Variants in HTRA1 observed in about 807,000 individuals in gnomAD.
The protein encoded by HTRA1 is serine protease HTRA1.
HTRA1 carries 26 observed loss-of-function variants against 49.7 expected under a neutral mutation model. The ratio of observed to expected loss-of-function variants is 0.52; its 90% CI spans 0.38 to 0.73. The LOEUF is 0.73. Among genes scored for constraint, HTRA1 ranks in the 30% least tolerant of loss-of-function variants. The pLI, the probability that HTRA1 is intolerant of heterozygous loss-of-function variation, is 0.00. For synonymous variants in HTRA1, 291 were observed against 286.9 expected (o/e 1.01, Z -0.14); for missense variants, 561 against 667.2 (o/e 0.84, Z 1.75).
At position 122,506,849 on chromosome 10, in the gene HTRA1, A is replaced by C. The variant is rs766476386; in HGVS notation, c.936A>C (p.Ser312=). ...RGGKELGLRN[S]DMDYIQTDAI... Reference sequence around the variant, plus strand: ...GCAAAGAGCTGGGGCTCCGCAACTCAGACATGGACTACATCCAGACCGACG... The same window carrying C: ...GCAAAGAGCTGGGGCTCCGCAACTCCGACATGGACTACATCCAGACCGACG... The change falls in exon 4 of 9, where the codon TCA becomes TCC. Residue 312 remains serine (S), a synonymous_variant. Coordinates refer to ENST00000368984, the MANE Select transcript of HTRA1 (RefSeq NM_002775.5). This position sits in a 1 kb window ranked among gnomAD's most constrained non-coding sequence, Gnocchi z 5.2. The C allele has an allele frequency of 6.2e-7, 1 of 1,613,874 alleles. No homozygotes were observed. The highest frequency in any genetic ancestry group is 1.3e-5 in the African/African-American group (1 of 75,044).
rs1182238512 is a variant in HTRA1, at chr10:122,494,839, C to T, written c.777+5213C>T. Among the ~76,000 whole-genome samples, 9 of 152,122 alleles carry T rather than the reference C, an allele frequency of 5.9e-5. No homozygotes were observed. The highest frequency in any genetic ancestry group is 2.2e-4 in the African/African-American group (9 of 41,416). ...CATCAAGTTCAGACGGGGGTCACTG[C>T]GGGTGAGGGGCCTGGGGCCTTTTAC... On this transcript the variant is annotated intron_variant, in intron 3 of 8. Transcript: ENST00000368984. The surrounding 1 kb of genome is among the most constrained non-coding windows in gnomAD (Gnocchi z 4.0).
In HTRA1 at chr10:122,461,634, CG is replaced by C; in HGVS notation, c.-18del. On this transcript the variant is annotated 5_prime_UTR_variant, in exon 1 of 9. Coordinates refer to ENST00000368984, the MANE Select transcript of HTRA1 (RefSeq NM_002775.5). ...CCCTCGCCCTGTCCGCCGCCACCGC[CG>C]CCGCCGCCAGAGTCGCCATGCAGAT... The C allele has an allele frequency of 7.7e-7, 1 of 1,297,636 alleles. No homozygotes were observed. Among genetic ancestry groups the C allele is most frequent in the Non-Finnish European group, 1.0e-6 (1 of 1,004,390 alleles). 80.4% of individuals were successfully genotyped at this position (1,297,636 alleles called of 1,614,324 possible).
At chr10:122,480,291 A>G (rs1437127029) in intron 1 of HTRA1, among the ~76,000 whole-genome samples, 1 of 151,886 alleles carries the variant, frequency 6.6e-6, no homozygotes, top group East Asian at 1.9e-4. Context: ...TGGTGTTCCT[A>G]CCCATCCCAG....
intron 1 of HTRA1, among the ~76,000 whole-genome samples, chr10:122,472,011 A>G (rs1419769729): frequency 6.6e-6 from 1 of 152,200 alleles, no homozygotes; most frequent in Non-Finnish European, 1.5e-5. Flanking sequence ...AGTTATAAGC[A>G]CATATAAATG....
chr10:122,489,749 C>A, intron 3 of HTRA1, 123 bp downstream of exon 3: 1 of 896,742 alleles, frequency 1.1e-6, no homozygotes, highest in Non-Finnish European at 1.8e-6. Context: ...CTGAGCCAGT[C>A]ACAGGAGGGC....
At chr10:122,501,961 G>GTTTTTTTTTT (rs541582341) in intron 3 of HTRA1, among the ~76,000 whole-genome samples, 2 of 73,494 alleles carry the variant, frequency 2.7e-5, no homozygotes, top group African/African-American at 1.2e-4. Context: ...TCCATTTGGA[G>GTTTTTTTTTT]TTTTTTTTTT....
At chr10:122,465,551 C>T (rs1033233011) in intron 1 of HTRA1, among the ~76,000 whole-genome samples, 39 of 152,126 alleles carry the variant, frequency 2.6e-4, no homozygotes, top group African/African-American at 8.9e-4. Context: ...GACAGAGCAA[C>T]AGAGATTTTA....
At chr10:122,492,134 A>T (rs1264474517) in intron 3 of HTRA1, among the ~76,000 whole-genome samples, 3 of 151,970 alleles carry the variant, frequency 2.0e-5, no homozygotes, top group Non-Finnish European at 4.4e-5. Flanking sequence ...AATCACCTAC[A>T]CGGCTCCTTG....
Position 122,461,800 on chromosome 10 carries a change from C to G in HTRA1, c.148C>G (p.Pro50Ala), listed in dbSNP as rs1451656631. 57 of 1,061,094 alleles carry G rather than the reference C, an allele frequency of 5.4e-5. No homozygotes were observed. Among genetic ancestry groups the G allele is most frequent in the Middle Eastern group, 4.3e-4 (1 of 2,320 alleles). 65.7% of individuals were successfully genotyped at this position (1,061,094 alleles called of 1,614,324 possible). The part of the protein sequence containing the change: ...RCEPARCPPQ[P>A]EHCEGGRARD... ...CGAGCCGGCGCGCTGCCCGCCGCAG[C>G]CGGAGCACTGCGAGGGCGGCCGGGC... Residue 50 changes from proline (P) to alanine (A), a missense_variant, in exon 1 of 9, where the codon CCG becomes GCG. Pro to Ala is a conservative substitution (Grantham distance 27). This residue lies in a region of HTRA1 where 111 missense variants were observed against 83.7 expected (regional missense o/e 1.33). Transcript: ENST00000368984.
At chr10:122,478,472 A>G (rs1369023755) in intron 1 of HTRA1, among the ~76,000 whole-genome samples, 1 of 143,736 alleles carries the variant, frequency 7.0e-6, no homozygotes, top group East Asian at 2.0e-4. Flanking sequence ...GGCTCACTGC[A>G]AGCTCCACCT....
At chr10:122,512,346 T>C (rs1178525379) in intron 8 of HTRA1, among the ~76,000 whole-genome samples, 2 of 152,202 alleles carry the variant, frequency 1.3e-5, no homozygotes, top group African/African-American at 4.8e-5. Flanking sequence ...GTCTCTGAGA[T>C]GGCCCGGCTG....
At position 122,506,933 on chromosome 10, in the gene HTRA1, A is replaced by G. The variant is rs1276241824; in HGVS notation, c.972+48A>G. On this transcript the variant is annotated intron_variant, in intron 4 of 8. Transcript: ENST00000368984. This position sits in a 1 kb window ranked among gnomAD's most constrained non-coding sequence, Gnocchi z 5.2. Reference sequence around the variant, plus strand: ...GTGGGGATTGGGGCAGAGTTTTGCCAGGGGGAGAGGAGTCAGCATAGGTCT... The same window carrying G: ...GTGGGGATTGGGGCAGAGTTTTGCCGGGGGGAGAGGAGTCAGCATAGGTCT... 1 of 1,537,076 alleles carries G rather than the reference A, an allele frequency of 6.5e-7. No homozygotes were observed.
At chr10:122,482,393 C>A (rs2097491388) in intron 1 of HTRA1, among the ~76,000 whole-genome samples, 1 of 152,138 alleles carries the variant, frequency 6.6e-6, no homozygotes, top group South Asian at 2.1e-4. Context: ...TATGATCAAT[C>A]TAGAGCTAGT....
At chr10:122,498,531 T>TGAACCCTGAACGGAAGCTGAATG (rs1056140334) in intron 3 of HTRA1, among the ~76,000 whole-genome samples, 2 of 152,150 alleles carry the variant, frequency 1.3e-5, no homozygotes, top group African/African-American at 4.8e-5. Flanking sequence ...TTGTCCGTTC[T>TGAACCCTGAACGGAAGCTGAATG]GAACCCTGAA....
intron 1 of HTRA1, among the ~76,000 whole-genome samples, chr10:122,466,050 G>A (rs1016982268): frequency 6.6e-6 from 1 of 152,150 alleles, no homozygotes; most frequent in Admixed American, 6.5e-5. Context: ...TTTTAGGATC[G>A]CCTGCTCCTG....
At chr10:122,466,049 C>T (rs920537199) in intron 1 of HTRA1, among the ~76,000 whole-genome samples, 3 of 152,168 alleles carry the variant, frequency 2.0e-5, no homozygotes, top group South Asian at 2.1e-4. Context: ...TTTTTAGGAT[C>T]GCCTGCTCCT....
chr10:122,474,903 A>C (rs925809844), intron 1 of HTRA1, among the ~76,000 whole-genome samples: 1 of 152,034 alleles, frequency 6.6e-6, no homozygotes, highest in Non-Finnish European at 1.5e-5. Context: ...TTTCTTTGCC[A>C]GTGAGTCTGA....
At chr10:122,496,633 T>C (rs946348160) in intron 3 of HTRA1, among the ~76,000 whole-genome samples, 1 of 152,116 alleles carries the variant, frequency 6.6e-6, no homozygotes, top group African/African-American at 2.4e-5. Context: ...GGTATCAGGC[T>C]GCAAAGACAG....
rs1364495800 is a variant in HTRA1, at chr10:122,462,077, T to C, written c.425T>C (p.Leu142Pro). ...GCCGCCAGCCGCCGCTCCGAGAGGC[T>C]GCACCGGCCGCCGGTCATCGTCCTG... The part of the protein sequence containing the change: ...LRAASRRSER[L>P]HRPPVIVLQR... The change falls in exon 1 of 9, where the codon CTG becomes CCG. Residue 142 changes from leucine (L) to proline (P), a missense_variant. Leu to Pro is a moderately conservative substitution (Grantham distance 98, BLOSUM62 -3). Around this residue, in one of 3 missense-constraint regions of HTRA1, gnomAD observed 271 missense variants for 410.0 expected, o/e 0.66. Transcript: ENST00000368984. 5 of 1,536,000 alleles carry C rather than the reference T, an allele frequency of 3.3e-6. No homozygotes were observed. Among genetic ancestry groups the C allele is most frequent in the Non-Finnish European group, 4.4e-6 (5 of 1,147,686 alleles).
Sources: gnomAD v4.1 joint callset for allele counts (sites outside exome capture counted in the v4.1 genomes callset) on GRCh38, gnomAD v4.1.1 for gene constraint, gnomAD v4.1.1 regional missense constraint, Gnocchi (gnomAD v3.1) non-coding constraint, MANE v1.5 for transcripts, NCBI Gene and HGNC (gene_info 2026-07-23, HGNC 2026-07-21) for gene names.